The following KIF25 variants were observed in gnomAD, a reference collection of about 807,000 sequenced individuals.
KIF25 encodes kinesin family member 25, also known as kinesin-like protein KIF25.
A neutral mutation model predicts 32.9 loss-of-function variants in KIF25; 19 were observed. The ratio of observed to expected loss-of-function variants is 0.58; its 90% CI spans 0.40 to 0.85. KIF25 has a LOEUF of 0.85. Among genes scored for constraint, KIF25 ranks in the 40% least tolerant of loss-of-function variants. The pLI is 0.00. For missense variants in KIF25, 485 were observed against 507.0 expected (o/e 0.96, Z 0.42); for synonymous variants, 225 against 213.7 (o/e 1.05, Z -0.46).
At chr6:168,005,315 G>A (rs756028339) in intron 4 of KIF25, among the ~76,000 whole-genome samples, 1 of 152,198 alleles carries the variant, frequency 6.6e-6, no homozygotes, top group Non-Finnish European at 1.5e-5. Flanking sequence ...CATCGGATTT[G>A]TTGAATGTGG....
chr6:168,040,009 C>A (rs1799092016), intron 9 of KIF25, 56 bp from the exon 10 acceptor site: 1 of 1,548,478 alleles, frequency 6.5e-7, no homozygotes, highest in Non-Finnish European at 8.7e-7. Context: ...TTGGAAGTCG[C>A]CTTAGGTAAG....
rs181229740 is a variant in KIF25, at chr6:168,038,327, T to C, written c.318-226T>C. Among the ~76,000 whole-genome samples the C allele has an allele frequency of 5.5e-3, 832 of 152,260 alleles. 2 individuals carry two copies. The highest frequency in any genetic ancestry group is 8.4e-3 in the Non-Finnish European group (569 of 68,004). On this transcript the variant is annotated intron_variant, in intron 8 of 12. Transcript: ENST00000643607. Reference sequence around the variant, plus strand: ...CTGGTTGCAAAAGTGTTGGTTTAAATATAACTCTGATAAAATAACTGCTCC... The same window carrying C: ...CTGGTTGCAAAAGTGTTGGTTTAAACATAACTCTGATAAAATAACTGCTCC...
At chr6:168,043,759 TGGA>T (rs1469880420) in intron 12 of KIF25, among the ~76,000 whole-genome samples, 1 of 152,332 alleles carries the variant, frequency 6.6e-6, no homozygotes, top group East Asian at 1.9e-4. Flanking sequence ...AGGTCCCTCA[TGGA>T]GCCCTGGCCT....
At position 168,042,035 on chromosome 6, in the gene KIF25, G is replaced by T. The variant is rs536727400; in HGVS notation, c.713G>T (p.Arg238Leu). The change falls in exon 11 of 13, where the codon CGC (arginine) becomes CTC (leucine). Residue 238 changes from arginine (R) to leucine (L), a missense_variant. By Grantham distance (102) the Arg-to-Leu change is moderately radical. This residue lies in a region of KIF25 where 480 missense variants were observed against 470.3 expected (regional missense o/e 1.02). Coordinates refer to ENST00000643607, the MANE Select transcript of KIF25 (RefSeq NM_030615.4). ...GAGGCAGGAAGGGCAGGAAGGAGCC[G>T]CAGAGCTTCTCAAGGGGCCTTGGCT... ...QTEAGRAGRS[R>L]RASQGALAPQ... 10 of 1,551,340 alleles carry T rather than the reference G, an allele frequency of 6.4e-6. No individual in the cohort carries two copies. Among genetic ancestry groups the T allele is most frequent in the Non-Finnish European group, 8.7e-6 (10 of 1,147,140 alleles).
At chr6:168,040,422 T>A (rs1344080865) in intron 10 of KIF25, among the ~76,000 whole-genome samples, 3 of 151,886 alleles carry the variant, frequency 2.0e-5, no homozygotes, top group African/African-American at 7.3e-5. Context: ...AAAAATTAGC[T>A]GAGTATGGTG....
chr6:168,043,801 C>T (rs1029426482), intron 12 of KIF25, among the ~76,000 whole-genome samples: 5 of 152,210 alleles, frequency 3.3e-5, no homozygotes, highest in African/African-American at 1.2e-4. Context: ...CTTTTCCTCC[C>T]CCTTAGCTCT....
chr6:168,037,645 T>TTC lies in KIF25; in HGVS notation c.318-884_318-883dup, dbSNP rs35282663. Among the ~76,000 whole-genome samples the TTC allele has an allele frequency of 8.6e-3, 1,258 of 146,846 alleles. 9 individuals are homozygous for TTC. Among genetic ancestry groups the TTC allele is most frequent in the African/African-American group, 0.022 (839 of 38,184 alleles). On this transcript the variant is annotated intron_variant, in intron 8 of 12. Transcript: ENST00000643607. ...TCTTGTTGTGGGATTAAGGTTTTAT[T>TTC]TCTCTCTCTCTCTCTCTCTCTCTCT... is the stretch of plus-strand genomic sequence containing the variant.
At chr6:168,042,172 C>T (rs1246999950) in intron 11 of KIF25, 21 bp downstream of exon 11, 1 of 1,543,806 alleles carries the variant, frequency 6.5e-7, no homozygotes, top group South Asian at 1.2e-5. Context: ...GCAGGCATTT[C>T]CCTGGGGGGT....
At position 168,030,854 on chromosome 6, in the gene KIF25, TA is replaced by T; in HGVS notation, c.167+11del. 6.2e-7 allele frequency: 1 copy of T among 1,603,166 alleles called. No homozygotes were observed. The highest frequency in any genetic ancestry group is 1.1e-5 in the South Asian group (1 of 90,336). ...TCACTTCTCTCTTGGATGGGTGAGT[TA>T]AAATATTTTTAAGGCCAGTCATCAT... On this transcript the variant is annotated splice_region_variant and intron_variant, in intron 7 of 12. Transcript: ENST00000643607.
intron 5 of KIF25, among the ~76,000 whole-genome samples, chr6:168,023,977 AT>A (rs369760499): frequency 3.0e-4 from 46 of 152,244 alleles, no homozygotes; most frequent in Middle Eastern, 3.4e-3. Context: ...AAATAACTTG[AT>A]TTTTTTCCCC....
Position 168,038,701 on chromosome 6 carries a change from C to A in KIF25, c.466C>A (p.Arg156=). The A allele has an allele frequency of 6.2e-7, 1 of 1,613,918 alleles. No homozygotes were observed. The highest frequency in any genetic ancestry group is 1.3e-5 in the African/African-American group (1 of 75,004). The change falls in exon 9 of 13, where the codon CGG becomes AGG. Residue 156 remains arginine (R), a synonymous_variant. Coordinates refer to ENST00000643607, the MANE Select transcript of KIF25 (RefSeq NM_030615.4). ...TGAGGTGGTGACAGCCAAGGATGGA[C>A]GGACAGAGGTTGCGCTGCTGGCCTC... ...KREVVTAKDG[R]TEVALLASEA...
chr6:168,016,447 G>A (rs975321963), intron 4 of KIF25, among the ~76,000 whole-genome samples: 1 of 152,212 alleles, frequency 6.6e-6, no homozygotes, highest in Non-Finnish European at 1.5e-5. Flanking sequence ...CCCAGCCACC[G>A]GCTGCTCCTC....
At chr6:168,007,274 T>TGGTGGTGGGCGC (rs920362820) in intron 4 of KIF25, among the ~76,000 whole-genome samples, 7 of 151,890 alleles carry the variant, frequency 4.6e-5, no homozygotes, top group Non-Finnish European at 4.4e-5. Context: ...TAGCTGGGCG[T>TGGTGGTGGGCGC]GGTGGTGGGC....
At chr6:168,014,575 A>G (rs997719270) in intron 4 of KIF25, among the ~76,000 whole-genome samples, 3 of 152,216 alleles carry the variant, frequency 2.0e-5, no homozygotes, top group African/African-American at 4.8e-5. Context: ...GTGACCTTGT[A>G]TCTCCTGGCT....
At chr6:168,008,889 A>G (rs1256174724) in intron 4 of KIF25, among the ~76,000 whole-genome samples, 2 of 152,104 alleles carry the variant, frequency 1.3e-5, no homozygotes, top group Non-Finnish European at 2.9e-5. Flanking sequence ...TTCATTGCTC[A>G]TATATAGAAA....
intron 5 of KIF25, among the ~76,000 whole-genome samples, chr6:168,027,118 G>C (rs1798870887): frequency 1.3e-5 from 2 of 152,106 alleles, no homozygotes; most frequent in Non-Finnish European, 1.5e-5. Context: ...TCGACCTGGG[G>C]CTTGACAGCT....
chr6:168,020,238 T>C (rs1396346252), intron 5 of KIF25, among the ~76,000 whole-genome samples: 1 of 152,140 alleles, frequency 6.6e-6, no homozygotes, highest in African/African-American at 2.4e-5. Flanking sequence ...GACCTTAGGC[T>C]TCTCCACAGA....
chr6:168,042,757 G>A (rs573874179), intron 12 of KIF25, 41 bp downstream of exon 12: 26 of 1,581,682 alleles, frequency 1.6e-5, no homozygotes, highest in South Asian at 3.5e-5. Context: ...GGGGGACCAC[G>A]TACCCCAGGA....
In KIF25 at chr6:168,042,007, A is replaced by C. The variant is rs12197062; in HGVS notation, c.685A>C (p.Thr229Pro). The change falls in exon 11 of 13, where the codon ACA becomes CCA. Residue 229 changes from threonine (T) to proline (P), a missense_variant. This residue lies in a region of KIF25 where 480 missense variants were observed against 470.3 expected (regional missense o/e 1.02). Transcript: ENST00000643607. ...ACSATLPREQ[T>P]EAGRAGRSRR... The stretch of plus-strand genomic sequence containing the variant: ...CAGTGCCACCCTCCCCAGGGAGCAA[A>C]CAGAGGCAGGAAGGGCAGGAAGGAG... 0.11 allele frequency: 176,175 copies of C among 1,551,770 alleles called. 10,659 individuals carry two copies. The highest frequency in any genetic ancestry group is 0.18 in the East Asian group (7,512 of 40,988).
Sources: allele counts gnomAD v4.1 joint callset (sites outside exome capture counted in the v4.1 genomes callset), GRCh38; gene constraint gnomAD v4.1.1; regional missense constraint gnomAD v4.1.1; transcripts MANE v1.5; gene names NCBI Gene and HGNC (gene_info 2026-07-23, HGNC 2026-07-21).